Variants in RMND5A observed in about 807,000 individuals in gnomAD.
The protein encoded by RMND5A is E3 ubiquitin-protein transferase RMND5A.
RMND5A carries 17 observed loss-of-function variants against 49.7 expected under a neutral mutation model. That is an observed-to-expected ratio of 0.34 (90% CI 0.23 to 0.51). The LOEUF is 0.51. Among genes scored for constraint, RMND5A ranks in the 20% least tolerant of loss-of-function variants. The probability of loss-of-function intolerance (pLI) is 0.96; values close to 1 mark genes in which losing one functional copy is unlikely to be tolerated. For synonymous variants in RMND5A, 156 were observed against 167.7 expected, an observed-to-expected ratio of 0.93 and a Z score of 0.54; for missense variants, 255 against 471.3, an observed-to-expected ratio of 0.54 and a Z score of 4.25.
chr2:86,729,257 A>G (rs911148749), intron 1 of RMND5A, among the ~76,000 whole-genome samples: 2 of 152,136 alleles, frequency 1.3e-5, no homozygotes, highest in Non-Finnish European at 2.9e-5. Context: ...AGACCACGGC[A>G]CACAGTGTAT....
intron 4 of RMND5A, among the ~76,000 whole-genome samples, chr2:86,759,310 C>G (rs1681802026): frequency 6.6e-6 from 1 of 152,226 alleles, no homozygotes; most frequent in South Asian, 2.1e-4. Flanking sequence ...ATAATTAATG[C>G]TAATGTTTCT....
Position 86,771,536 on chromosome 2 carries a change from CTTTTTTTT to C in RMND5A, c.958-13_958-6del. The C allele has an allele frequency of 7.0e-7, 1 of 1,425,320 alleles. No homozygotes were observed. Among genetic ancestry groups the C allele is most frequent in the East Asian group, 2.4e-5 (1 of 40,828 alleles). 88.3% of individuals were successfully genotyped at this position (1,425,320 alleles called of 1,614,324 possible). A position where few individuals can be genotyped will look rare whatever the true frequency, so the allele number is the denominator to read the frequency against. ...GTGAAATATGACTTCAGCTTTTTTA[CTTTTTTTT>C]TTTTTTTTAACAGATTGAAGTGGAC... On this transcript the variant is annotated splice_polypyrimidine_tract_variant and intron_variant, in intron 7 of 8. Transcript: ENST00000283632.
At chr2:86,764,117 G>A (rs1672552338) in intron 4 of RMND5A, among the ~76,000 whole-genome samples, 1 of 152,182 alleles carries the variant, frequency 6.6e-6, no homozygotes, top group Non-Finnish European at 1.5e-5. Context: ...TTTTACTCTT[G>A]TGGTTTATGG....
intron 6 of RMND5A, among the ~76,000 whole-genome samples, chr2:86,766,661 CA>C (rs59511898): frequency 0.036 from 2,763 of 76,978 alleles, 37 homozygotes; most frequent in African/African-American, 0.1. Flanking sequence ...GAGACTGTCT[CA>C]AAAAAAAAAA....
chr2:86,762,689 AT>A (rs1672520591), intron 4 of RMND5A, among the ~76,000 whole-genome samples: 1 of 428 alleles, frequency 2.3e-3, no homozygotes, highest in African/African-American at 3.4e-3. Flanking sequence ...TCATATATAT[AT>A]CATATATATC....
In RMND5A at chr2:86,752,036, A is replaced by G; in HGVS notation, c.420+6A>G. On this transcript the variant is annotated splice_donor_region_variant and intron_variant, in intron 3 of 8. Transcript: ENST00000283632. ...TGGCTGAGGAGCTCTGTCAGGTAAC[A>G]GTGTGCCAACTGGGAGGATATGAAA... 1 of 1,613,274 alleles carries G rather than the reference A, an allele frequency of 6.2e-7. No homozygotes were observed. Among genetic ancestry groups the G allele is most frequent in the Non-Finnish European group, 8.5e-7 (1 of 1,179,578 alleles).
intron 5 of RMND5A, 37 bp from the exon 6 acceptor site, chr2:86,765,822 A>G (rs753284676): frequency 3.1e-6 from 5 of 1,600,070 alleles, no homozygotes; most frequent in Non-Finnish European, 4.3e-6. Context: ...TTATTACTGC[A>G]AGCAAACTAA....
At chr2:86,755,114 T>C (rs1186816466) in intron 4 of RMND5A, among the ~76,000 whole-genome samples, 1 of 146,760 alleles carries the variant, frequency 6.8e-6, no homozygotes, top group Non-Finnish European at 1.5e-5. Flanking sequence ...AACAACTACT[T>C]TTTTTTTTTT....
chr2:86,743,258 C>T lies in RMND5A; in HGVS notation c.285+2189C>T, dbSNP rs532083480. ...TTTGGAAGTGGATATCAAGGGAACA[C>T]ATTTATAATGAATAATCTACATTCT... On this transcript the variant is annotated intron_variant, in intron 2 of 8. Transcript: ENST00000283632. Among the ~76,000 whole-genome samples the T allele has an allele frequency of 4.6e-5, 7 of 152,092 alleles. No homozygotes were observed. The South Asian group carries it at 1.5e-3, about 32-fold the overall frequency.
chr2:86,755,271 A>G (rs1486581405), intron 4 of RMND5A, among the ~76,000 whole-genome samples: 2 of 152,156 alleles, frequency 1.3e-5, no homozygotes, highest in African/African-American at 4.8e-5. Flanking sequence ...GGTGCACACC[A>G]CCACACCTGG....
chr2:86,770,686 T>A (rs1672672132), intron 7 of RMND5A, among the ~76,000 whole-genome samples: 1 of 152,226 alleles, frequency 6.6e-6, no homozygotes. Flanking sequence ...TAAGCAGTAG[T>A]GTATTCATCT....
intron 4 of RMND5A, among the ~76,000 whole-genome samples, chr2:86,764,580 T>C (rs950464463): frequency 5.9e-5 from 9 of 152,266 alleles, no homozygotes; most frequent in African/African-American, 2.2e-4. Flanking sequence ...TTACTGTTTT[T>C]AATCACAAAG....
intron 4 of RMND5A, among the ~76,000 whole-genome samples, chr2:86,759,609 C>T (rs1263660670): frequency 7.5e-6 from 1 of 133,260 alleles, no homozygotes; most frequent in Non-Finnish European, 1.7e-5. Flanking sequence ...TTTTAGTTTG[C>T]TTGCCCCCCC....
At chr2:86,773,072 G>A (rs994972009) in intron 8 of RMND5A, among the ~76,000 whole-genome samples, 5 of 152,072 alleles carry the variant, frequency 3.3e-5, no homozygotes, top group Admixed American at 6.6e-5. Context: ...ATTTATTTTC[G>A]AAACCCCAAA....
intron 3 of RMND5A, among the ~76,000 whole-genome samples, chr2:86,752,890 C>G (rs999184606): frequency 6.6e-6 from 1 of 152,172 alleles, no homozygotes; most frequent in African/African-American, 2.4e-5. Context: ...TTCTCTGTAC[C>G]TTACAGGGAT....
chr2:86,763,371 C>G (rs1463096319), intron 4 of RMND5A, among the ~76,000 whole-genome samples: 1 of 152,080 alleles, frequency 6.6e-6, no homozygotes, highest in Non-Finnish European at 1.5e-5. Flanking sequence ...TTTAAATGCA[C>G]TACTTGGAAC....
chr2:86,775,674 C>G lies in RMND5A; in HGVS notation c.*2263C>G, dbSNP rs1369566575. On this transcript the variant is annotated 3_prime_UTR_variant, in exon 9 of 9. Coordinates refer to ENST00000283632, the MANE Select transcript of RMND5A (RefSeq NM_022780.4). ...GCTTTCTGTGTAAGGCCCGTGTACTCCCACTGGGCAGGGTGAGGACCAAAA... is the reference window on the plus strand; with the variant it reads ...GCTTTCTGTGTAAGGCCCGTGTACTGCCACTGGGCAGGGTGAGGACCAAAA... 6.6e-6 allele frequency: 1 copy of G among 152,138 alleles called. No individual in the cohort carries two copies. The highest frequency in any genetic ancestry group is 1.5e-5 in the Non-Finnish European group (1 of 68,024). The allele number at this position is 152,138 out of a possible 1,614,324, so 9.4% of individuals were successfully genotyped here. A position where few individuals can be genotyped will look rare whatever the true frequency, so the allele number is the denominator to read the frequency against.
chr2:86,765,919 A>ATGT lies in RMND5A; in HGVS notation c.751_753dup (p.Val251dup). The ATGT allele has an allele frequency of 6.2e-7, 1 of 1,614,144 alleles. No individual in the cohort carries two copies. The highest frequency in any genetic ancestry group is 1.1e-5 in the South Asian group (1 of 91,080). On this transcript the variant is annotated inframe_insertion, in exon 6 of 9. Transcript: ENST00000283632. ...AGACAAGGGATTGAGAACTCACCAT[A>ATGT]TGTTCACCTACTTGATGCAAACCAG...
chr2:86,763,770 C>T (rs866873744), intron 4 of RMND5A, among the ~76,000 whole-genome samples: 13 of 150,534 alleles, frequency 8.6e-5, no homozygotes, highest in Admixed American at 4.0e-4. Context: ...AGTGAGACCC[C>T]GTCTCCAAAA....
Sources: gnomAD v4.1 joint callset for allele counts (sites outside exome capture counted in the v4.1 genomes callset) on GRCh38, gnomAD v4.1.1 for gene constraint, MANE v1.5 for transcripts, NCBI Gene and HGNC (gene_info 2026-07-23, HGNC 2026-07-21) for gene names.